The following BATF variants were observed in gnomAD, a reference collection of about 807,000 sequenced individuals.
The protein encoded by BATF is basic leucine zipper ATF-like transcription factor.
A neutral mutation model predicts 13.7 loss-of-function variants in BATF; 5 were observed. The ratio of observed to expected loss-of-function variants is 0.36; its 90% CI spans 0.19 to 0.77. BATF has a LOEUF of 0.77. Among genes scored for constraint, BATF ranks in the 30% least tolerant of loss-of-function variants. The probability of loss-of-function intolerance (pLI) is 0.51; values close to 1 mark genes in which losing one functional copy is unlikely to be tolerated. For missense variants in BATF, 124 were observed against 163.0 expected, an observed-to-expected ratio of 0.76 and a Z score of 1.30; for synonymous variants, 72 against 67.5, an observed-to-expected ratio of 1.07 and a Z score of -0.33.
At chr14:75,540,187 C>G (rs1227463148) in intron 2 of BATF, among the ~76,000 whole-genome samples, 1 of 152,144 alleles carries the variant, frequency 6.6e-6, no homozygotes, top group East Asian at 1.9e-4. Flanking sequence ...GGACAGTCCC[C>G]ACCAGGGCCC....
chr14:75,527,765 A>G (rs1887674808), intron 2 of BATF, among the ~76,000 whole-genome samples: 1 of 152,158 alleles, frequency 6.6e-6, no homozygotes, highest in African/African-American at 2.4e-5. Flanking sequence ...AGTTTCTAGA[A>G]TGTTCCAATC....
At chr14:75,531,159 A>T (rs139827352) in intron 2 of BATF, among the ~76,000 whole-genome samples, 141 of 152,328 alleles carry the variant, frequency 9.3e-4, no homozygotes, top group South Asian at 2.3e-3. Context: ...TTTGAACATC[A>T]TACATAAATA....
intron 1 of BATF, 136 bp downstream of exon 1, chr14:75,522,881 G>A: frequency 1.9e-6 from 2 of 1,026,770 alleles, no homozygotes; most frequent in Non-Finnish European, 2.9e-6. Context: ...TTAGACTTAG[G>A]ACATGGAATT....
chr14:75,544,016 G>A (rs1023655081), intron 2 of BATF, among the ~76,000 whole-genome samples: 1 of 152,076 alleles, frequency 6.6e-6, no homozygotes, highest in African/African-American at 2.4e-5. Context: ...CTTCATTCCA[G>A]CAGATGATGT....
At chr14:75,527,561 C>T (rs1288445264) in intron 2 of BATF, among the ~76,000 whole-genome samples, 1 of 152,230 alleles carries the variant, frequency 6.6e-6, no homozygotes, top group East Asian at 1.9e-4. Flanking sequence ...GAGGGTGACA[C>T]AGATGTCTCT....
intron 2 of BATF, among the ~76,000 whole-genome samples, chr14:75,531,227 A>G (rs746909227): frequency 6.6e-6 from 1 of 152,224 alleles, no homozygotes; most frequent in Non-Finnish European, 1.5e-5. Flanking sequence ...TAAGGTCCAC[A>G]GTACTATATG....
chr14:75,536,256 G>A (rs1161607607), intron 2 of BATF, among the ~76,000 whole-genome samples: 1 of 152,218 alleles, frequency 6.6e-6, no homozygotes, highest in Non-Finnish European at 1.5e-5. Context: ...TGAGGCCCTG[G>A]AATTTGAGAT....
intron 2 of BATF, among the ~76,000 whole-genome samples, chr14:75,529,643 G>A (rs904938570): frequency 6.6e-6 from 1 of 152,066 alleles, no homozygotes; most frequent in South Asian, 2.1e-4. Flanking sequence ...TCAAAATACT[G>A]TATGCAAAAT....
intron 2 of BATF, among the ~76,000 whole-genome samples, chr14:75,540,155 CTCAGCCCTGCTCAGGGTGCCTGGACAG>C (rs1887875405): frequency 6.6e-6 from 1 of 152,184 alleles, no homozygotes; most frequent in East Asian, 1.9e-4. Flanking sequence ...GGGAGGAAGC[CTCAGCCCTGCTCAGGGTGCCTGGACAG>C]TCCCCACCAG....
Position 75,522,472 on chromosome 14 carries a change from GC to G in BATF, c.-210del. ...AGAGAGAGAGCGTGCAAGCCCCAAAGCGAGCGACATGTCCCTTTGGGGAGCA... is the reference window on the plus strand; with the variant it reads ...AGAGAGAGAGCGTGCAAGCCCCAAAGGAGCGACATGTCCCTTTGGGGAGCA... On this transcript the variant is annotated 5_prime_UTR_variant, in exon 1 of 3. Transcript: ENST00000286639. 1 of 567,770 alleles carries G rather than the reference GC, an allele frequency of 1.8e-6. No homozygotes were observed. The allele number at this position is 567,770 out of a possible 1,614,324, so 35.2% of individuals were successfully genotyped here. A position where few individuals can be genotyped will look rare whatever the true frequency, so the allele number is the denominator to read the frequency against.
At chr14:75,539,793 C>CAGCA (rs972663359) in intron 2 of BATF, among the ~76,000 whole-genome samples, 6 of 152,124 alleles carry the variant, frequency 3.9e-5, no homozygotes, top group Non-Finnish European at 7.3e-5. Flanking sequence ...AGGTGAGAGG[C>CAGCA]AGCAGTTGGG....
At chr14:75,533,858 T>C (rs1171525713) in intron 2 of BATF, among the ~76,000 whole-genome samples, 2 of 152,234 alleles carry the variant, frequency 1.3e-5, no homozygotes, top group Non-Finnish European at 2.9e-5. Context: ...ATGAGGAAAC[T>C]GAGGACGCCC....
chr14:75,527,134 T>C (rs1241742265), intron 2 of BATF, among the ~76,000 whole-genome samples: 1 of 152,162 alleles, frequency 6.6e-6, no homozygotes, highest in Non-Finnish European at 1.5e-5. Flanking sequence ...AACTACCCTA[T>C]ACAGATCGTA....
At position 75,541,825 on chromosome 14, in the gene BATF, G is replaced by A. The variant is rs1003094307; in HGVS notation, c.169-4637G>A. On this transcript the variant is annotated intron_variant, in intron 2 of 2. Transcript: ENST00000286639. ...ACTACAGGCATGCGCCACCACGCCC[G>A]GCTAATTTTTGTATTTTTTGTAGAG... Among the ~76,000 whole-genome samples the A allele has an allele frequency of 1.2e-4, 19 of 152,218 alleles. No homozygotes were observed. In the South Asian group the frequency reaches 1.4e-3, roughly 12 times the overall value.
chr14:75,536,494 G>A (rs933113108), intron 2 of BATF, among the ~76,000 whole-genome samples: 1 of 152,116 alleles, frequency 6.6e-6, no homozygotes, highest in Non-Finnish European at 1.5e-5. Flanking sequence ...GGGAGGCCGA[G>A]TTGGTTGGAT....
chr14:75,545,832 C>A lies in BATF; in HGVS notation c.169-630C>A, dbSNP rs1887976514. On this transcript the variant is annotated intron_variant, in intron 2 of 2. Coordinates refer to ENST00000286639, the MANE Select transcript of BATF (RefSeq NM_006399.5). Reference sequence around the variant, plus strand: ...CAGAGGAACACACTCACACACACCCCTCTATCAGGTTGAACCATATGAAAT... The same window carrying A: ...CAGAGGAACACACTCACACACACCCATCTATCAGGTTGAACCATATGAAAT... 2.6e-5 allele frequency among the ~76,000 whole-genome samples: 4 copies of A among 152,030 alleles called. No homozygotes were observed. The South Asian group carries it at 8.3e-4, about 32-fold the overall frequency.
At chr14:75,546,339 G>A in intron 2 of BATF, 123 bp from the exon 3 acceptor site, 1 of 939,040 alleles carries the variant, frequency 1.1e-6, no homozygotes, top group East Asian at 2.6e-5. Context: ...AAATTCTCTG[G>A]TGCCCTTCTC....
chr14:75,537,298 C>T (rs1173839261), intron 2 of BATF, among the ~76,000 whole-genome samples: 1 of 152,116 alleles, frequency 6.6e-6, no homozygotes, highest in African/African-American at 2.4e-5. Flanking sequence ...TTGGAAGTAT[C>T]CCAGATTTAC....
At chr14:75,538,510 G>A (rs1887849168) in intron 2 of BATF, among the ~76,000 whole-genome samples, 1 of 152,136 alleles carries the variant, frequency 6.6e-6, no homozygotes, top group South Asian at 2.1e-4. Context: ...GGAGTGAGTA[G>A]AATGTGTGGA....
Sources: allele counts gnomAD v4.1 joint callset (sites outside exome capture counted in the v4.1 genomes callset), GRCh38; gene constraint gnomAD v4.1.1; transcripts MANE v1.5; gene names NCBI Gene and HGNC (gene_info 2026-07-23, HGNC 2026-07-21).